Variants in STK3 observed in about 807,000 individuals in gnomAD.
The protein encoded by STK3 is serine/threonine-protein kinase 3.
A neutral mutation model predicts 58.0 loss-of-function variants in STK3; 41 were observed. That is an observed-to-expected ratio of 0.71 (90% CI 0.55 to 0.92). The LOEUF (loss-of-function observed/expected upper bound fraction) is 0.92. STK3 is among the 40% of genes least tolerant of loss of function. The pLI is 0.00. For synonymous variants in STK3, 170 were observed against 191.0 expected (o/e 0.89, Z 0.91); for missense variants, 479 against 602.7 (o/e 0.79, Z 2.15).
intron 10 of STK3, among the ~76,000 whole-genome samples, chr8:98,466,963 G>C (rs990485886): frequency 6.6e-6 from 1 of 152,226 alleles, no homozygotes; most frequent in African/African-American, 2.4e-5. Flanking sequence ...TATCCCGCAG[G>C]CCTCGGCTCT....
upstream of STK3, among the ~76,000 whole-genome samples, chr8:98,390,823 A>G (rs984256643): frequency 6.6e-6 from 1 of 152,154 alleles, no homozygotes; most frequent in Non-Finnish European, 1.5e-5. Flanking sequence ...TTTGCTAGTG[A>G]GTCCATCCCA....
At chr8:98,764,547 A>G (rs576157582) in intron 3 of STK3, among the ~76,000 whole-genome samples, 3 of 152,366 alleles carry the variant, frequency 2.0e-5, no homozygotes, top group Admixed American at 2.0e-4. Context: ...AGCCTTGCTA[A>G]AAGACTAAGT....
chr8:98,913,561 T>C (rs188617217), intron 1 of STK3, among the ~76,000 whole-genome samples: 1 of 152,376 alleles, frequency 6.6e-6, no homozygotes, highest in African/African-American at 2.4e-5. Context: ...TCCAGACTCC[T>C]TGGGACAAGG....
intron 10 of STK3, among the ~76,000 whole-genome samples, chr8:98,522,526 C>A (rs1825442231): frequency 6.6e-6 from 1 of 152,088 alleles, no homozygotes; most frequent in African/African-American, 2.4e-5. Context: ...AAATTCTTTC[C>A]CCTCTTCTCT....
At chr8:98,803,593 C>CAAAAAAAAAA (rs34316563) in intron 1 of STK3, among the ~76,000 whole-genome samples, 34 of 38,492 alleles carry the variant, frequency 8.8e-4, no homozygotes, top group Non-Finnish European at 1.2e-3. Flanking sequence ...GACTCTGTTT[C>CAAAAAAAAAA]AAAAAAAAAA....
chr8:98,858,998 A>G (rs1163603876), intron 3 of STK3, among the ~76,000 whole-genome samples: 2 of 152,190 alleles, frequency 1.3e-5, no homozygotes, highest in Non-Finnish European at 2.9e-5. Flanking sequence ...AGAAAAGCCA[A>G]CTCAGTGTCT....
At chr8:98,384,062 G>T (rs1351832645) in intron 1 of STK3, among the ~76,000 whole-genome samples, 1 of 152,220 alleles carries the variant, frequency 6.6e-6, no homozygotes, top group Non-Finnish European at 1.5e-5. Context: ...GTAACCAAGG[G>T]TTAAGGCATA....
intron 1 of STK3, among the ~76,000 whole-genome samples, chr8:98,911,015 G>T (rs1233770229): frequency 6.6e-6 from 1 of 152,198 alleles, no homozygotes; most frequent in Non-Finnish European, 1.5e-5. Context: ...AAGGCAACAG[G>T]CCACAAGCAG....
chr8:98,777,613 C>T (rs1007064829), intron 1 of STK3, among the ~76,000 whole-genome samples: 1 of 152,280 alleles, frequency 6.6e-6, no homozygotes, highest in South Asian at 2.1e-4. Context: ...TGCCGGAAGA[C>T]AACATGGTGT....
chr8:98,940,024 C>A lies in STK3; in HGVS notation c.-79+2354G>T, dbSNP rs191665059. 1.4e-4 allele frequency among the ~76,000 whole-genome samples: 21 copies of A among 152,394 alleles called. No homozygotes were observed. The East Asian group carries it at 2.9e-3, about 21-fold the overall frequency. On this transcript the variant is annotated intron_variant, in intron 1 of 1. Transcript: ENST00000519420. ...TTGGACGCGGGATCATGGGCGTTAG[C>A]CTGGCTCTCTCCGACGAGGCAAACT... is the stretch of plus-strand genomic sequence containing the variant.
At chr8:98,523,403 C>G (rs1268405882) in intron 10 of STK3, among the ~76,000 whole-genome samples, 3 of 139,646 alleles carry the variant, frequency 2.1e-5, no homozygotes, top group Non-Finnish European at 4.5e-5. Context: ...GAGACAGAGT[C>G]TCGCTCTGTC....
At chr8:98,939,878 C>A (rs1328030554) in intron 1 of STK3, among the ~76,000 whole-genome samples, 1 of 152,216 alleles carries the variant, frequency 6.6e-6, no homozygotes, top group Admixed American at 6.5e-5. Context: ...GCGGAGAGCC[C>A]CCCTCTCCCC....
At chr8:98,883,065 C>G (rs570454328), downstream of STK3, 2 of 152,600 alleles carry the variant, frequency 1.3e-5, no homozygotes, top group South Asian at 4.2e-4. Context: ...CTATGGTAAG[C>G]ACAAGCACGT....
intron 4 of STK3, among the ~76,000 whole-genome samples, chr8:98,742,094 T>C (rs1164415103): frequency 6.6e-6 from 1 of 151,794 alleles, no homozygotes; most frequent in Non-Finnish European, 1.5e-5. Context: ...AATCAATAGC[T>C]TACCAACCAA....
intron 8 of STK3, among the ~76,000 whole-genome samples, chr8:98,565,747 C>T (rs1812421377): frequency 6.6e-6 from 1 of 152,052 alleles, no homozygotes; most frequent in Non-Finnish European, 1.5e-5. Context: ...TTTGTTAATA[C>T]ATACTCTTTA....
intron 3 of STK3, among the ~76,000 whole-genome samples, chr8:98,418,969 G>C (rs1818142559): frequency 6.6e-6 from 1 of 152,238 alleles, no homozygotes; most frequent in South Asian, 2.1e-4. Context: ...TGCCTGCATG[G>C]TGTTGTGTGC....
chr8:98,427,717 A>G, intron 3 of STK3: 1 of 261,954 alleles, frequency 3.8e-6, no homozygotes, highest in South Asian at 1.3e-4. Context: ...CGCACGCGCA[A>G]AGCGCCCACC....
At chr8:98,736,345 A>G (rs1425733358) in intron 4 of STK3, among the ~76,000 whole-genome samples, 1 of 152,154 alleles carries the variant, frequency 6.6e-6, no homozygotes, top group Admixed American at 6.5e-5. Flanking sequence ...GGATGAGGCA[A>G]GGGCATACAT....
chr8:98,575,834 C>T (rs1201673051), intron 8 of STK3, among the ~76,000 whole-genome samples: 1 of 152,098 alleles, frequency 6.6e-6, no homozygotes, highest in Non-Finnish European at 1.5e-5. Flanking sequence ...TTCTCTCATT[C>T]TACAGGCTGT....
Sources: allele counts gnomAD v4.1 joint callset (sites outside exome capture counted in the v4.1 genomes callset), GRCh38; gene constraint gnomAD v4.1.1; transcripts MANE v1.5; gene names NCBI Gene and HGNC (gene_info 2026-07-23, HGNC 2026-07-21).